Variants in STAG1 observed in about 807,000 individuals in gnomAD.
STAG1 encodes the protein STAG1 cohesin complex component.
A neutral mutation model predicts 170.9 loss-of-function variants in STAG1; 26 were observed. That is an observed-to-expected ratio of 0.15 (90% CI 0.11 to 0.21). The LOEUF (loss-of-function observed/expected upper bound fraction) is 0.21, where lower values mean the gene tolerates loss of function less well. STAG1 is among the 10% of genes least tolerant of loss of function. The pLI, the probability that STAG1 is intolerant of heterozygous loss-of-function variation, is 1.00. For missense variants in STAG1, 964 were observed against 1,509.5 expected (o/e 0.64, Z 5.99); for synonymous variants, 514 against 497.7 (o/e 1.03, Z -0.44).
At chr3:136,502,600 T>C in intron 8 of STAG1, 28 bp downstream of exon 8, 1 of 1,606,984 alleles carries the variant, frequency 6.2e-7, no homozygotes, top group Non-Finnish European at 8.5e-7. Flanking sequence ...TTACAGAACA[T>C]AAAATCATCA....
chr3:136,626,523 A>G (rs948081436), intron 2 of STAG1, among the ~76,000 whole-genome samples: 25 of 152,204 alleles, frequency 1.6e-4, no homozygotes, highest in Non-Finnish European at 2.1e-4. Flanking sequence ...CCCTGGTGAC[A>G]TAACATAAAT....
chr3:136,542,289 C>CA, intron 5 of STAG1, 94 bp from the exon 6 acceptor site: 1 of 884,294 alleles, frequency 1.1e-6, no homozygotes, highest in Admixed American at 2.1e-5. Context: ...GTGAGAATCC[C>CA]AAAAGAATAA....
chr3:136,558,438 G>GT (rs1936709191), intron 5 of STAG1, among the ~76,000 whole-genome samples: 1 of 152,070 alleles, frequency 6.6e-6, no homozygotes, highest in African/African-American at 2.4e-5. Flanking sequence ...AGGACAAAAG[G>GT]TAACATCGCA....
At chr3:136,490,237 C>T (rs1042750713) in intron 9 of STAG1, among the ~76,000 whole-genome samples, 3 of 151,826 alleles carry the variant, frequency 2.0e-5, no homozygotes, top group Non-Finnish European at 4.4e-5. Context: ...GACAGGGTTT[C>T]GCCATGTTGG....
intron 1 of STAG1, among the ~76,000 whole-genome samples, chr3:136,657,105 T>A (rs938762981): frequency 1.3e-5 from 2 of 151,100 alleles, no homozygotes; most frequent in African/African-American, 4.9e-5. Flanking sequence ...TTGCTTATGA[T>A]ATGCAATACT....
At chr3:136,432,526 G>C (rs966235409) in intron 16 of STAG1, among the ~76,000 whole-genome samples, 4 of 139,676 alleles carry the variant, frequency 2.9e-5, no homozygotes, top group East Asian at 2.2e-4. Flanking sequence ...GGGGGGGGGG[G>C]GCACAGAGTC....
At chr3:136,401,234 G>A (rs1479098562) in intron 21 of STAG1, among the ~76,000 whole-genome samples, 1 of 152,148 alleles carries the variant, frequency 6.6e-6, no homozygotes, top group East Asian at 1.9e-4. Flanking sequence ...TATTAGGTAT[G>A]TTTTATTGCA....
intron 1 of STAG1, among the ~76,000 whole-genome samples, chr3:136,746,218 ATCTAAAT>A (rs941739212): frequency 6.6e-6 from 1 of 152,232 alleles, no homozygotes; most frequent in African/African-American, 2.4e-5. Context: ...AGCAAGAATC[ATCTAAAT>A]TCTAAAGATT....
Position 136,349,373 on chromosome 3 carries a change from C to T in STAG1, c.3066-10G>A, listed in dbSNP as rs761399780. 19 of 1,597,898 alleles carry T rather than the reference C, an allele frequency of 1.2e-5. No individual in the cohort carries two copies. Among genetic ancestry groups the T allele is most frequent in the Admixed American group, 1.7e-5 (1 of 59,990 alleles). The stretch of plus-strand genomic sequence containing the variant: ...CTCTAGGTATGAATGACTAGAAACA[C>T]AATAGAAACAGCAGTGATTTTCAGA... On this transcript the variant is annotated splice_polypyrimidine_tract_variant and intron_variant, in intron 28 of 33. Coordinates refer to ENST00000383202, the MANE Select transcript of STAG1 (RefSeq NM_005862.3).
chr3:136,688,290 G>C (rs1942605313), intron 1 of STAG1, among the ~76,000 whole-genome samples: 1 of 152,148 alleles, frequency 6.6e-6, no homozygotes, highest in African/African-American at 2.4e-5. Flanking sequence ...TTATGTAAGT[G>C]TCTTCTCCAG....
At chr3:136,463,268 T>A (rs897297777) in intron 13 of STAG1, among the ~76,000 whole-genome samples, 2 of 152,146 alleles carry the variant, frequency 1.3e-5, no homozygotes, top group Admixed American at 6.5e-5. Flanking sequence ...ATTTCTTACA[T>A]AGAAATAACT....
At chr3:136,486,883 C>G (rs556768308) in intron 9 of STAG1, among the ~76,000 whole-genome samples, 1 of 151,662 alleles carries the variant, frequency 6.6e-6, no homozygotes, top group African/African-American at 2.4e-5. Context: ...ACACCCATAT[C>G]TACATCTATG....
chr3:136,492,705 G>C (rs375026065), intron 9 of STAG1, among the ~76,000 whole-genome samples: 10 of 152,230 alleles, frequency 6.6e-5, no homozygotes, highest in African/African-American at 2.2e-4. Context: ...GACACAAAAT[G>C]AAGTCCTTCA....
chr3:136,634,753 A>G (rs1940483433), intron 1 of STAG1, among the ~76,000 whole-genome samples: 1 of 152,192 alleles, frequency 6.6e-6, no homozygotes, highest in Admixed American at 6.5e-5. Flanking sequence ...TAGAAAAACA[A>G]TACAATCAAT....
intron 2 of STAG1, among the ~76,000 whole-genome samples, chr3:136,627,374 C>T (rs547045746): frequency 1.7e-4 from 26 of 152,240 alleles, no homozygotes; most frequent in African/African-American, 6.3e-4. Context: ...TTGACGCTGC[C>T]ATAAATATTT....
At chr3:136,461,502 G>T (rs2089272687) in intron 13 of STAG1, among the ~76,000 whole-genome samples, 1 of 151,170 alleles carries the variant, frequency 6.6e-6, no homozygotes, top group South Asian at 2.1e-4. Flanking sequence ...ATAAAAATCA[G>T]TAGCATTCTT....
At chr3:136,599,076 T>C (rs1189636050) in intron 4 of STAG1, among the ~76,000 whole-genome samples, 4 of 152,078 alleles carry the variant, frequency 2.6e-5, no homozygotes, top group South Asian at 2.1e-4. Context: ...GCAATCCCAT[T>C]AACAGGTATA....
chr3:136,715,808 G>C (rs1008203476), intron 1 of STAG1, among the ~76,000 whole-genome samples: 4 of 150,872 alleles, frequency 2.7e-5, no homozygotes, highest in Non-Finnish European at 5.9e-5. Flanking sequence ...TATATAAACT[G>C]AAATGATGGC....
intron 6 of STAG1, among the ~76,000 whole-genome samples, chr3:136,533,205 A>C (rs1435839950): frequency 1.3e-5 from 2 of 152,174 alleles, no homozygotes; most frequent in Non-Finnish European, 2.9e-5. Context: ...AACTAAAGTG[A>C]AGGATCTCTA....
Sources: gnomAD v4.1 joint callset for allele counts (sites outside exome capture counted in the v4.1 genomes callset) on GRCh38, gnomAD v4.1.1 for gene constraint, MANE v1.5 for transcripts, NCBI Gene and HGNC (gene_info 2026-07-23, HGNC 2026-07-21) for gene names.